The following TCEAL4 variants were observed in gnomAD, a reference collection of about 807,000 sequenced individuals.
TCEAL4 encodes transcription elongation factor A like 4, also known as transcription elongation factor A protein-like 4.
In TCEAL4, 1 loss-of-function variant was observed where a neutral mutation model predicts 1.3. The ratio of observed to expected loss-of-function variants is 0.79; its 90% confidence interval spans 0.28 to 3.76. The LOEUF is 3.76. Among genes scored for constraint, TCEAL4 ranks in the 30% most tolerant of loss-of-function variants. TCEAL4 has a pLI of 0.18. For missense variants in TCEAL4, 129 were observed against 154.7 expected, an observed-to-expected ratio of 0.83 and a Z score of 0.88; for synonymous variants, 54 against 50.7, an observed-to-expected ratio of 1.06 and a Z score of -0.28.
chrX:103,577,265 T>C, intron 2 of TCEAL4: 1 of 1,120,942 alleles, frequency 8.9e-7, no homozygotes, highest in Admixed American at 2.7e-5. Flanking sequence ...TCAATGTTGT[T>C]AATAGTAAAA....
At chrX:103,578,581 T>C (rs756682036) in intron 2 of TCEAL4, among the ~76,000 whole-genome samples, 3 of 112,137 alleles carry the variant, frequency 2.7e-5, no homozygotes, top group Non-Finnish European at 5.6e-5. Flanking sequence ...ATTTGCATTT[T>C]CCTGATGGCT....
chrX:103,576,945 A>G, intron 1 of TCEAL4: 1 of 679,151 alleles, frequency 1.5e-6, no homozygotes, highest in Non-Finnish European at 2.1e-6. Flanking sequence ...TGGTGGTTTC[A>G]GGGTAGGAAG....
chrX:103,586,831 A>G lies in TCEAL4; in HGVS notation c.156A>G (p.Lys52=). ...ENEGKTENKG[K]TGDEEMLKDK... is the part of the protein sequence containing the mutation. ...AGGGAAAGACAGAAAACAAGGGCAAAACAGGAGATGAGGAAATGTTAAAGG... is the reference window on the plus strand; with the variant it reads ...AGGGAAAGACAGAAAACAAGGGCAAGACAGGAGATGAGGAAATGTTAAAGG... Residue 52 remains lysine, a synonymous_variant, in exon 3 of 3, where the codon AAA becomes AAG. Transcript: ENST00000472484. 1 of 1,206,116 alleles carries G rather than the reference A, an allele frequency of 8.3e-7. No individual in the cohort carries two copies. Among genetic ancestry groups the G allele is most frequent in the South Asian group, 1.8e-5 (1 of 56,149 alleles).
intron 2 of TCEAL4, among the ~76,000 whole-genome samples, chrX:103,578,528 A>G (rs2073494049): frequency 9.0e-6 from 1 of 111,661 alleles, no homozygotes; most frequent in African/African-American, 3.3e-5. Context: ...TGTTTATTAT[A>G]TCCATCCTAG....
upstream of TCEAL4, among the ~76,000 whole-genome samples, chrX:103,582,897 C>A (rs2157160): frequency 9.1e-6 from 1 of 110,383 alleles, no homozygotes; most frequent in Non-Finnish European, 1.9e-5. Context: ...ATTAAACTAA[C>A]GAGCTTCTAC....
intron 2 of TCEAL4, among the ~76,000 whole-genome samples, chrX:103,579,232 C>T (rs2073496825): frequency 8.9e-6 from 1 of 112,025 alleles, no homozygotes; most frequent in East Asian, 2.8e-4. Context: ...GTGAGACCTC[C>T]AATGTTTTCC....
At chrX:103,581,370 A>G (rs904872412), upstream of TCEAL4, among the ~76,000 whole-genome samples, 3 of 111,312 alleles carry the variant, frequency 2.7e-5, no homozygotes, top group Non-Finnish European at 5.7e-5. Flanking sequence ...AAAAGGAAAG[A>G]CTCCTCCTTA....
At chrX:103,577,394 A>G (rs2073489005) in intron 2 of TCEAL4, among the ~76,000 whole-genome samples, 1 of 112,156 alleles carries the variant, frequency 8.9e-6, no homozygotes, top group Admixed American at 9.5e-5. Context: ...GTAGACTGAC[A>G]TGGGAATGTT....
intron 2 of TCEAL4, among the ~76,000 whole-genome samples, chrX:103,577,909 T>G (rs1409512578): frequency 8.9e-6 from 1 of 111,983 alleles, no homozygotes; most frequent in Non-Finnish European, 1.9e-5. Flanking sequence ...CACAGAGTTG[T>G]GCAACCATCA....
chrX:103,581,910 G>A (rs1038192918), upstream of TCEAL4, among the ~76,000 whole-genome samples: 2 of 111,494 alleles, frequency 1.8e-5, no homozygotes, highest in African/African-American at 6.5e-5. Flanking sequence ...TCAGGCAAAA[G>A]AAAGAAATAA....
intron 1 of TCEAL4, among the ~76,000 whole-genome samples, chrX:103,576,751 G>A (rs769405812): frequency 2.7e-5 from 3 of 112,119 alleles, no homozygotes; most frequent in African/African-American, 9.7e-5. Context: ...GTGACAGAGC[G>A]AGACTGTCTC....
In TCEAL4 at chrX:103,586,243, G is replaced by A; in HGVS notation, c.-76G>A. On this transcript the variant is annotated 5_prime_UTR_variant, in exon 2 of 3. Transcript: ENST00000472484. Reference sequence around the variant, plus strand: ...GGTCTGCGCGTCTGTTGTTCCCAGCGCTCTGCGAAGCCTGAAAAGGAGGAG... The same window carrying A: ...GGTCTGCGCGTCTGTTGTTCCCAGCACTCTGCGAAGCCTGAAAAGGAGGAG... The A allele has an allele frequency of 8.6e-7, 1 of 1,166,454 alleles. No individual in the cohort carries two copies. The highest frequency in any genetic ancestry group is 1.1e-6 in the Non-Finnish European group (1 of 872,972).
At chrX:103,581,187 T>C (rs139928586), upstream of TCEAL4, among the ~76,000 whole-genome samples, 421 of 111,268 alleles carry the variant, frequency 3.8e-3, no homozygotes, top group Non-Finnish European at 5.8e-3. Flanking sequence ...CAGGAAGAAA[T>C]TGAATCCCTG....
upstream of TCEAL4, among the ~76,000 whole-genome samples, chrX:103,583,029 GA>G (rs200615766): frequency 1.8e-5 from 2 of 110,855 alleles, no homozygotes; most frequent in South Asian, 7.5e-4. Context: ...AAATTTACAA[GA>G]AAAAAACAGC....
chrX:103,585,826 G>T, intron 1 of TCEAL4: 2 of 1,057,656 alleles, frequency 1.9e-6, no homozygotes, highest in Non-Finnish European at 2.5e-6. Flanking sequence ...TGAGGAAGGC[G>T]AGCACCCCCA....
At chrX:103,582,726 C>G (rs2073513766), upstream of TCEAL4, among the ~76,000 whole-genome samples, 1 of 111,546 alleles carries the variant, frequency 9.0e-6, no homozygotes, top group South Asian at 3.7e-4. Flanking sequence ...GAAACTGGAC[C>G]CCTTCCTTAT....
Position 103,586,937 on chromosome X carries a change from TCAGAGAGAGAGGGAAAAC to T in TCEAL4, c.269_286del (p.Arg90_Glu95del). 1.1e-5 allele frequency: 13 copies of T among 1,203,914 alleles called. No homozygotes were observed. Among genetic ancestry groups the T allele is most frequent in the Non-Finnish European group, 1.5e-5 (13 of 892,023 alleles). On this transcript the variant is annotated inframe_deletion, in exon 3 of 3. Coordinates refer to ENST00000472484, the MANE Select transcript of TCEAL4 (RefSeq NM_001006935.3). ...GGGAGAGTCAGAGATGGAGGGAGGATCAGAGAGAGAGGGAAAACCAGAGATAGAGGGAAAGCCAGAGAG... is the reference window on the plus strand; with the variant it reads ...GGGAGAGTCAGAGATGGAGGGAGGATCAGAGATAGAGGGAAAGCCAGAGAG...
At chrX:103,579,471 G>T (rs1403154360) in intron 2 of TCEAL4, among the ~76,000 whole-genome samples, 1 of 111,584 alleles carries the variant, frequency 9.0e-6, no homozygotes, top group African/African-American at 3.3e-5. Context: ...TTTAGTTTTT[G>T]GTGTACAAGT....
upstream of TCEAL4, among the ~76,000 whole-genome samples, chrX:103,582,270 A>G (rs1400780592): frequency 8.9e-6 from 1 of 112,103 alleles, no homozygotes; most frequent in East Asian, 2.8e-4. Context: ...ACCCAAACAA[A>G]TGGAAAACAT....
Sources: allele counts gnomAD v4.1 joint callset (sites outside exome capture counted in the v4.1 genomes callset), GRCh38; gene constraint gnomAD v4.1.1; transcripts MANE v1.5; gene names NCBI Gene and HGNC (gene_info 2026-07-23, HGNC 2026-07-21).